EPHA6: variants seen among roughly 807,000 people sequenced by gnomAD.
EPHA6 encodes the protein ephrin type-A receptor 6.
A neutral mutation model predicts 112.0 loss-of-function variants in EPHA6; 50 were observed. That is an observed-to-expected ratio of 0.45 (90% CI 0.36 to 0.56). The LOEUF (loss-of-function observed/expected upper bound fraction) is 0.56, where lower values mean the gene tolerates loss of function less well. EPHA6 is among the 20% of genes least tolerant of loss of function. The probability of loss-of-function intolerance (pLI) is 0.00; values close to 1 mark genes in which losing one functional copy is unlikely to be tolerated. For synonymous variants in EPHA6, 529 were observed against 490.7 expected, an observed-to-expected ratio of 1.08 and a Z score of -1.03; for missense variants, 1,280 against 1,417.4, an observed-to-expected ratio of 0.90 and a Z score of 1.56.
At chr3:97,294,962 G>T (rs2080824128) in intron 5 of EPHA6, among the ~76,000 whole-genome samples, 1 of 152,058 alleles carries the variant, frequency 6.6e-6, no homozygotes, top group Non-Finnish European at 1.5e-5. Flanking sequence ...TCTGATGGGG[G>T]GGTTCTTAAA....
intron 5 of EPHA6, among the ~76,000 whole-genome samples, chr3:97,332,779 T>G (rs535048039): frequency 6.6e-6 from 1 of 152,282 alleles, no homozygotes; most frequent in African/African-American, 2.4e-5. Context: ...CACATCTGTG[T>G]GGATCTATTT....
intron 3 of EPHA6, among the ~76,000 whole-genome samples, chr3:97,083,086 G>A (rs7629006): frequency 0.31 from 47,154 of 151,666 alleles, 13,289 homozygotes; most frequent in African/African-American, 0.75. Context: ...TGTAACCCCA[G>A]CTAATTTGCC....
chr3:97,683,582 G>C (rs1465180992), intron 14 of EPHA6, among the ~76,000 whole-genome samples: 1 of 151,990 alleles, frequency 6.6e-6, no homozygotes, highest in Non-Finnish European at 1.5e-5. Flanking sequence ...AAATAAGCTT[G>C]TCATGGTTTA....
chr3:97,663,838 T>C (rs914186888), intron 14 of EPHA6, among the ~76,000 whole-genome samples: 1 of 152,166 alleles, frequency 6.6e-6, no homozygotes, highest in African/African-American at 2.4e-5. Context: ...ATAATCCTTT[T>C]GGTATATCCC....
chr3:97,679,049 C>A (rs925091227), intron 14 of EPHA6, among the ~76,000 whole-genome samples: 2 of 151,912 alleles, frequency 1.3e-5, no homozygotes, highest in African/African-American at 4.8e-5. Context: ...TTTTATGTTC[C>A]TGGTTTTGTT....
At chr3:97,567,049 C>A (rs1439582167) in intron 11 of EPHA6, among the ~76,000 whole-genome samples, 1 of 152,124 alleles carries the variant, frequency 6.6e-6, no homozygotes, top group Non-Finnish European at 1.5e-5. Flanking sequence ...TCTTCCAAGA[C>A]CACAGCAAAA....
chr3:96,917,886 T>C (rs1228160457), intron 2 of EPHA6, among the ~76,000 whole-genome samples: 2 of 151,970 alleles, frequency 1.3e-5, no homozygotes, highest in African/African-American at 4.8e-5. Context: ...TAATAGAAGC[T>C]CCATAGCAAT....
chr3:97,064,597 G>A (rs945687616), intron 3 of EPHA6, among the ~76,000 whole-genome samples: 2 of 152,094 alleles, frequency 1.3e-5, no homozygotes, highest in Admixed American at 6.6e-5. Context: ...TTTCTTTAAT[G>A]AATAACTGAA....
At chr3:97,559,561 TA>T in intron 11 of EPHA6, 1 of 451,240 alleles carries the variant, frequency 2.2e-6, no homozygotes, top group South Asian at 1.6e-5. Context: ...CTGTGTTGCC[TA>T]CCCTACTCAC....
At position 97,759,505 on chromosome 3, in the gene EPHA6, G is replaced by A. The variant is rs1442930482; in HGVS notation, c.*10804G>A. 3 of 230,336 alleles carry A rather than the reference G, an allele frequency of 1.3e-5. No individual in the cohort carries two copies. Among genetic ancestry groups the A allele is most frequent in the African/African-American group, 6.6e-5 (3 of 45,214 alleles). The allele number at this position is 230,336 out of a possible 1,614,324, so 14.3% of individuals were successfully genotyped here. A position where few individuals can be genotyped will look rare whatever the true frequency, so the allele number is the denominator to read the frequency against. ...ACTAATGAAAATGACTTGGCAGACAGGGGAAAACTGATTATGCAAGAGAGA... is the reference window on the plus strand; with the variant it reads ...ACTAATGAAAATGACTTGGCAGACAAGGGAAAACTGATTATGCAAGAGAGA... On this transcript the variant is annotated 3_prime_UTR_variant, in exon 18 of 18. Coordinates refer to ENST00000389672, the MANE Select transcript of EPHA6 (RefSeq NM_001080448.3).
intron 10 of EPHA6, among the ~76,000 whole-genome samples, chr3:97,512,831 C>G (rs551128944): frequency 1.3e-5 from 2 of 152,300 alleles, no homozygotes; most frequent in African/African-American, 4.8e-5. Flanking sequence ...TCCGAAAGTG[C>G]TGGGGTTACA....
At chr3:97,232,625 A>G (rs1490352737) in intron 4 of EPHA6, among the ~76,000 whole-genome samples, 7 of 152,176 alleles carry the variant, frequency 4.6e-5, no homozygotes, top group African/African-American at 1.4e-4. Context: ...TGAGGGGCAT[A>G]AGTCAGTATG....
intron 11 of EPHA6, among the ~76,000 whole-genome samples, chr3:97,535,833 T>C (rs1235179586): frequency 6.6e-6 from 1 of 152,134 alleles, no homozygotes; most frequent in African/African-American, 2.4e-5. Flanking sequence ...TTTTACAAAT[T>C]CTTAATATGC....
intron 3 of EPHA6, among the ~76,000 whole-genome samples, chr3:97,085,861 TTC>T (rs1465983787): frequency 6.6e-6 from 1 of 150,416 alleles, no homozygotes; most frequent in Non-Finnish European, 1.5e-5. Flanking sequence ...AAATAAGAAG[TTC>T]TCTCGTAGAA....
At chr3:97,463,259 C>T (rs551006355) in intron 7 of EPHA6, among the ~76,000 whole-genome samples, 9 of 151,942 alleles carry the variant, frequency 5.9e-5, no homozygotes, top group Non-Finnish European at 1.3e-4. Context: ...GTAAGTAGCA[C>T]GACTTTCCCC....
chr3:97,557,647 G>A (rs1379617463), intron 11 of EPHA6, among the ~76,000 whole-genome samples: 1 of 151,644 alleles, frequency 6.6e-6, no homozygotes, highest in African/African-American at 2.4e-5. Context: ...GTTTTCTTCA[G>A]TTATTTCTTT....
chr3:97,648,221 C>T (rs2094081161), intron 14 of EPHA6: 2 of 693,812 alleles, frequency 2.9e-6, no homozygotes, highest in Non-Finnish European at 2.6e-6. Context: ...TCATTATTGA[C>T]AATATATAAT....
chr3:97,497,679 T>A (rs1344979595), intron 10 of EPHA6, among the ~76,000 whole-genome samples: 1 of 152,154 alleles, frequency 6.6e-6, no homozygotes, highest in Non-Finnish European at 1.5e-5. Context: ...TGTTTATTTA[T>A]CTATTAAATG....
chr3:97,459,188 G>C (rs2090801768), intron 7 of EPHA6, among the ~76,000 whole-genome samples: 1 of 151,944 alleles, frequency 6.6e-6, no homozygotes, highest in African/African-American at 2.4e-5. Context: ...AGATCAAAGA[G>C]AGCATGGAGC....
Sources: gnomAD v4.1 joint callset for allele counts (sites outside exome capture counted in the v4.1 genomes callset) on GRCh38, gnomAD v4.1.1 for gene constraint, MANE v1.5 for transcripts, NCBI Gene and HGNC (gene_info 2026-07-23, HGNC 2026-07-21) for gene names.